SLC44A5: variants seen among roughly 807,000 people sequenced by gnomAD.
The protein encoded by SLC44A5 is choline transporter-like protein 5.
In SLC44A5, 57 loss-of-function variants were observed where a neutral mutation model predicts 101.8. The observed-to-expected ratio is 0.56, with a 90% CI of 0.45 to 0.70. The LOEUF (loss-of-function observed/expected upper bound fraction) is 0.70. SLC44A5 is among the 30% of genes least tolerant of loss of function. The pLI is 0.00. For missense variants in SLC44A5, 737 were observed against 853.1 expected (o/e 0.86, Z 1.70); for synonymous variants, 281 against 290.9 (o/e 0.97, Z 0.35).
intron 6 of SLC44A5, among the ~76,000 whole-genome samples, chr1:75,260,741 A>G (rs1305915033): frequency 6.6e-6 from 1 of 152,140 alleles, no homozygotes; most frequent in Non-Finnish European, 1.5e-5. Flanking sequence ...GCACCACATT[A>G]CACTTATTCT....
chr1:75,563,258 AT>A (rs1368111331), intron 1 of SLC44A5, among the ~76,000 whole-genome samples: 1 of 152,180 alleles, frequency 6.6e-6, no homozygotes, highest in African/African-American at 2.4e-5. Flanking sequence ...AGTTACAGAG[AT>A]TAACAGCTCA....
At chr1:75,548,906 A>C (rs1385211748) in intron 1 of SLC44A5, among the ~76,000 whole-genome samples, 1 of 152,162 alleles carries the variant, frequency 6.6e-6, no homozygotes, top group Non-Finnish European at 1.5e-5. Context: ...GGTAATTTGA[A>C]GAGTCTAAGT....
the SLC44A5 span, among the ~76,000 whole-genome samples, chr1:75,645,664 G>A: frequency 6.7e-6 from 1 of 149,646 alleles, no homozygotes; most frequent in Non-Finnish European, 1.5e-5. Context: ...GGCTTTTGTT[G>A]CCATTGCTGT....
intron 1 of SLC44A5, among the ~76,000 whole-genome samples, chr1:75,543,189 C>A (rs953248956): frequency 6.6e-6 from 1 of 152,094 alleles, no homozygotes; most frequent in Non-Finnish European, 1.5e-5. Flanking sequence ...TCATAACTGA[C>A]AACTAATTTC....
chr1:75,546,092 G>A (rs1016411290), intron 1 of SLC44A5, among the ~76,000 whole-genome samples: 1 of 151,812 alleles, frequency 6.6e-6, no homozygotes, highest in Non-Finnish European at 1.5e-5. Flanking sequence ...AAAGTGCTGG[G>A]GTTACAACTC....
rs1267017862 is a variant in SLC44A5, at chr1:75,400,437, TTAGTACTCAGAATACATAAC to T, written c.14-3836_14-3817del. 2.6e-5 allele frequency among the ~76,000 whole-genome samples: 4 copies of T among 152,330 alleles called. No homozygotes were observed. The South Asian group carries it at 6.2e-4, about 24-fold the overall frequency. On this transcript the variant is annotated intron_variant, in intron 2 of 23. Transcript: ENST00000370859. ...GGGTCCTTCTCACAGAGCCTATTTTTTAGTACTCAGAATACATAACTAGTAGGTAGAATCTTCAGGAATCA... is the reference window on the plus strand; with the variant it reads ...GGGTCCTTCTCACAGAGCCTATTTTTTAGTAGGTAGAATCTTCAGGAATCA...
the SLC44A5 span, among the ~76,000 whole-genome samples, chr1:75,692,793 A>G: frequency 3.7e-4 from 57 of 152,318 alleles, no homozygotes; most frequent in Middle Eastern, 3.4e-3. Flanking sequence ...ATGTTTATGA[A>G]GCAGGTAAAT....
the SLC44A5 span, among the ~76,000 whole-genome samples, chr1:75,698,075 G>A: frequency 6.6e-6 from 1 of 152,226 alleles, no homozygotes; most frequent in African/African-American, 2.4e-5. Context: ...GAGGCTGGGA[G>A]AGGGGTGTCC....
chr1:75,270,439 A>T (rs1196943028), intron 6 of SLC44A5, among the ~76,000 whole-genome samples: 1 of 152,112 alleles, frequency 6.6e-6, no homozygotes, highest in African/African-American at 2.4e-5. Context: ...TGGGTATATT[A>T]TTCAACAAAC....
At chr1:75,205,346 A>G (rs1196053716) in intron 23 of SLC44A5, 1 of 152,254 alleles carries the variant, frequency 6.6e-6, no homozygotes, top group Non-Finnish European at 1.5e-5. Flanking sequence ...TAATCCTTAT[A>G]TACAAGTTTA....
intron 1 of SLC44A5, among the ~76,000 whole-genome samples, chr1:75,592,970 C>A (rs1396972424): frequency 6.6e-6 from 1 of 151,994 alleles, no homozygotes; most frequent in East Asian, 1.9e-4. Context: ...GCACAAGCAA[C>A]CAAAGTAAAC....
the SLC44A5 span, among the ~76,000 whole-genome samples, chr1:75,670,245 T>C: frequency 2.0e-5 from 3 of 152,226 alleles, no homozygotes; most frequent in East Asian, 1.9e-4. Flanking sequence ...TAATAATCAA[T>C]GATACCTAAA....
At chr1:75,602,243 TGA>T (rs1370876571) in intron 1 of SLC44A5, among the ~76,000 whole-genome samples, 1 of 152,134 alleles carries the variant, frequency 6.6e-6, no homozygotes, top group African/African-American at 2.4e-5. Context: ...ATTCAGGCAG[TGA>T]GAGTTTACAG....
At chr1:75,325,768 G>C (rs1481992635) in intron 4 of SLC44A5, among the ~76,000 whole-genome samples, 3 of 151,958 alleles carry the variant, frequency 2.0e-5, no homozygotes, top group Admixed American at 6.6e-5. Context: ...GCGTGTGTGT[G>C]TGTGTGTGTG....
chr1:75,644,118 C>A, the SLC44A5 span, among the ~76,000 whole-genome samples: 1 of 151,954 alleles, frequency 6.6e-6, no homozygotes, highest in Non-Finnish European at 1.5e-5. Context: ...CATTACAAAG[C>A]AATAAATATG....
At chr1:75,495,171 A>C (rs1668605341) in intron 2 of SLC44A5, among the ~76,000 whole-genome samples, 1 of 152,118 alleles carries the variant, frequency 6.6e-6, no homozygotes. Context: ...AATAACCATC[A>C]TAGGCCAGGC....
At chr1:75,286,051 C>T (rs1047812737) in intron 5 of SLC44A5, among the ~76,000 whole-genome samples, 15 of 151,914 alleles carry the variant, frequency 9.9e-5, no homozygotes, top group East Asian at 3.8e-4. Flanking sequence ...TGACCTGTTT[C>T]GTGCTGTCAG....
chr1:75,677,551 CAGAA>C, the SLC44A5 span, among the ~76,000 whole-genome samples: 4 of 151,614 alleles, frequency 2.6e-5, no homozygotes, highest in East Asian at 1.9e-4. Flanking sequence ...AAAAGGAAGA[CAGAA>C]AGGAAAGGAA....
At chr1:75,635,895 G>A in the SLC44A5 span, among the ~76,000 whole-genome samples, 1 of 151,938 alleles carries the variant, frequency 6.6e-6, no homozygotes, top group Non-Finnish European at 1.5e-5. Context: ...TAACTTTGGG[G>A]AGGGATTATT....
Sources: allele counts gnomAD v4.1 joint callset (sites outside exome capture counted in the v4.1 genomes callset), GRCh38; gene constraint gnomAD v4.1.1; transcripts MANE v1.5; gene names NCBI Gene and HGNC (gene_info 2026-07-23, HGNC 2026-07-21).